Variants in SECISBP2 observed in about 807,000 individuals in gnomAD.
The protein encoded by SECISBP2 is selenocysteine insertion sequence-binding protein 2.
A neutral mutation model predicts 98.2 loss-of-function variants in SECISBP2; 96 were observed. That is an observed-to-expected ratio of 0.98 (90% CI 0.83 to 1.16). The LOEUF is 1.16. SECISBP2 is among the 50% of genes most tolerant of loss of function. The pLI is 0.00. For missense variants in SECISBP2, 1,046 were observed against 1,022.9 expected (o/e 1.02, Z -0.31); for synonymous variants, 407 against 370.2 (o/e 1.10, Z -1.14).
intron 10 of SECISBP2, among the ~76,000 whole-genome samples, chr9:89,343,245 C>G (rs994352687): frequency 2.0e-5 from 3 of 152,198 alleles, no homozygotes; most frequent in Non-Finnish European, 4.4e-5. Context: ...TAAAAAGCAA[C>G]ATGAAAATTT....
At chr9:89,364,111 C>T, downstream of SECISBP2, 1 of 1,467,268 alleles carries the variant, frequency 6.8e-7, no homozygotes, top group East Asian at 2.4e-5. Context: ...AGGTGGCTTC[C>T]CCATGGCCAG....
chr9:89,319,001 A>G (rs1825208131), intron 1 of SECISBP2: 1 of 1,053,270 alleles, frequency 9.5e-7, no homozygotes, highest in African/African-American at 1.7e-5. Flanking sequence ...CGTACTCAGC[A>G]TTACCACTAG....
rs1415320858 is a variant in SECISBP2, at chr9:89,318,582, G to A, written c.6G>A (p.Ala2=). The A allele has an allele frequency of 1.3e-6, 2 of 1,486,636 alleles. No individual in the cohort carries two copies. Among genetic ancestry groups the A allele is most frequent in the Non-Finnish European group, 1.8e-6 (2 of 1,126,202 alleles). The allele number at this position is 1,486,636 out of a possible 1,614,324, so 92.1% of individuals were successfully genotyped here. M[A]SEGPREPESE... ...CCTCCTCCGCGCCTCGCGGCATGGC[G>A]TCGGAGGGGCCGCGGGAGCCCGAAA... The change falls in exon 1 of 17, where the codon GCG becomes GCA. Residue 2 remains alanine (A), a synonymous_variant. Coordinates refer to ENST00000375807, the MANE Select transcript of SECISBP2 (RefSeq NM_024077.5).
chr9:89,334,047 G>T, intron 6 of SECISBP2: 1 of 1,073,766 alleles, frequency 9.3e-7, no homozygotes, highest in Non-Finnish European at 1.1e-6. Context: ...ACCTAAAGGA[G>T]TAGTGTTGCT....
chr9:89,340,772 A>T (rs888831535), intron 9 of SECISBP2, among the ~76,000 whole-genome samples: 1 of 152,238 alleles, frequency 6.6e-6, no homozygotes, highest in Non-Finnish European at 1.5e-5. Flanking sequence ...CTCAGGACAT[A>T]CCACTGGGCT....
intron 4 of SECISBP2, among the ~76,000 whole-genome samples, chr9:89,328,169 A>T (rs1827099232): frequency 6.6e-6 from 1 of 152,208 alleles, no homozygotes; most frequent in South Asian, 2.1e-4. Context: ...TAAACAAGTG[A>T]CATAGTTGTT....
chr9:89,328,463 A>T (rs957425323), intron 4 of SECISBP2, among the ~76,000 whole-genome samples, 197 bp from the exon 5 acceptor site: 2 of 152,212 alleles, frequency 1.3e-5, no homozygotes, highest in African/African-American at 4.8e-5. Context: ...GTCCAACCAG[A>T]GTGATTGATA....
chr9:89,342,048 C>A (rs1829729882), intron 10 of SECISBP2, among the ~76,000 whole-genome samples: 2 of 152,104 alleles, frequency 1.3e-5, no homozygotes, highest in Admixed American at 6.6e-5. Context: ...AATCATGTAT[C>A]TGATAGGGGA....
chr9:89,339,792 T>A (rs932926768), intron 8 of SECISBP2, 72 bp from the exon 9 acceptor site: 3 of 1,067,628 alleles, frequency 2.8e-6, no homozygotes, highest in Non-Finnish European at 4.4e-6. Flanking sequence ...AATGAAAATA[T>A]AAGCAAGGAA....
At chr9:89,326,126 G>A in intron 4 of SECISBP2, 88 bp downstream of exon 4, 1 of 1,511,462 alleles carries the variant, frequency 6.6e-7, no homozygotes, top group South Asian at 1.1e-5. Flanking sequence ...GTTTCTATGG[G>A]CTTGTTCATT....
chr9:89,354,151 C>G (rs1455427122), intron 14 of SECISBP2, among the ~76,000 whole-genome samples: 1 of 152,234 alleles, frequency 6.6e-6, no homozygotes, highest in Non-Finnish European at 1.5e-5. Context: ...GCCCTTGCCA[C>G]ACGTGCTTTC....
downstream of SECISBP2, among the ~76,000 whole-genome samples, chr9:89,360,008 A>G (rs1564467420): frequency 6.6e-6 from 1 of 152,246 alleles, no homozygotes; most frequent in Non-Finnish European, 1.5e-5. Context: ...TGTGATGAGC[A>G]CATAAAATTG....
chr9:89,347,729 C>T (rs865836769), intron 11 of SECISBP2, among the ~76,000 whole-genome samples: 3 of 152,268 alleles, frequency 2.0e-5, no homozygotes, highest in Admixed American at 6.5e-5. Flanking sequence ...TGATGCACCT[C>T]CCAAAGTGCT....
downstream of SECISBP2, among the ~76,000 whole-genome samples, chr9:89,363,160 G>A (rs77587866): frequency 0.048 from 7,348 of 152,246 alleles, 232 homozygotes; most frequent in South Asian, 0.096. Flanking sequence ...TAACTAGACA[G>A]CCCCACCTGT....
downstream of SECISBP2, among the ~76,000 whole-genome samples, chr9:89,363,156 G>A (rs1487578970): frequency 6.6e-6 from 1 of 152,188 alleles, no homozygotes; most frequent in Non-Finnish European, 1.5e-5. Context: ...CATCTAACTA[G>A]ACAGCCCCAC....
the SECISBP2 span, among the ~76,000 whole-genome samples, chr9:89,366,621 A>T: frequency 1.3e-5 from 2 of 152,276 alleles, no homozygotes; most frequent in Non-Finnish European, 2.9e-5. Context: ...ATATAAGTAC[A>T]TATTACATAG....
At chr9:89,357,177 T>C (rs1443439155) in intron 14 of SECISBP2, 24 of 569,938 alleles carry the variant, frequency 4.2e-5, no homozygotes, top group Non-Finnish European at 6.9e-5. Context: ...GTAATACTAA[T>C]AGTTAACTTT....
intron 7 of SECISBP2, among the ~76,000 whole-genome samples, chr9:89,336,080 G>GTTTTTTTTT (rs1564372011): frequency 9.0e-5 from 4 of 44,548 alleles, no homozygotes; most frequent in Non-Finnish European, 1.4e-4. Flanking sequence ...AATTTTAAGT[G>GTTTTTTTTT]CTTTTTTTTT....
At chr9:89,328,516 A>G (rs1827165006) in intron 4 of SECISBP2, 144 bp from the exon 5 acceptor site, 1 of 692,572 alleles carries the variant, frequency 1.4e-6, no homozygotes, top group Non-Finnish European at 2.6e-6. Context: ...AGGAAGGTGA[A>G]CAACACCGGT....
Sources: allele counts gnomAD v4.1 joint callset (sites outside exome capture counted in the v4.1 genomes callset), GRCh38; gene constraint gnomAD v4.1.1; transcripts MANE v1.5; gene names NCBI Gene and HGNC (gene_info 2026-07-23, HGNC 2026-07-21).